The following ATXN7 variants were observed in gnomAD, a reference collection of about 807,000 sequenced individuals.
ATXN7 encodes ataxin-7.
ATXN7 carries 12 observed loss-of-function variants against 70.5 expected under a neutral mutation model. The observed-to-expected ratio is 0.17, with a 90% confidence interval of 0.11 to 0.28. ATXN7 has a LOEUF of 0.28. Ranked by LOEUF, ATXN7 falls within the 10% of genes least tolerant of loss-of-function variation. The pLI, the probability that ATXN7 is intolerant of heterozygous loss-of-function variation, is 1.00. For missense variants in ATXN7, 1,256 were observed against 1,131.7 expected, an observed-to-expected ratio of 1.11 and a Z score of -1.58; for synonymous variants, 498 against 448.7, an observed-to-expected ratio of 1.11 and a Z score of -1.39.
rs754267860 is a variant in ATXN7 at position 64,003,205 on chromosome 3, C to CTTTTTTTTTTTTTTT, written c.*3748_*3762dup. Reference sequence around the variant, plus strand: ...AATGTAGGGCCTTGAAAGCATTTTGCTTTTTTTTTTTTTTTTTTTTTTTTG... The same window carrying CTTTTTTTTTTTTTTT: ...AATGTAGGGCCTTGAAAGCATTTTGCTTTTTTTTTTTTTTTTTTTTTTTTTTTTTTTTTTTTTTTG... On this transcript the variant is annotated 3_prime_UTR_variant, in exon 13 of 13. Coordinates refer to ENST00000674280, the MANE Select transcript of ATXN7 (RefSeq NM_001377405.1). 2.6e-5 allele frequency: 2 copies of CTTTTTTTTTTTTTTT among 75,534 alleles called. No individual in the cohort carries two copies. Among genetic ancestry groups the CTTTTTTTTTTTTTTT allele is most frequent in the Non-Finnish European group, 4.9e-5 (2 of 40,438 alleles). The allele number at this position is 75,534 out of a possible 1,614,324, so 4.7% of individuals were successfully genotyped here. A position where few individuals can be genotyped will look rare whatever the true frequency, so the allele number is the denominator to read the frequency against.
At chr3:63,978,040 C>T (rs2075419572) in intron 5 of ATXN7, among the ~76,000 whole-genome samples, 1 of 152,160 alleles carries the variant, frequency 6.6e-6, no homozygotes, top group Non-Finnish European at 1.5e-5. Context: ...CAGTGCCATG[C>T]ACATGATAAC....
rs1196992143 is a variant in ATXN7 at position 63,988,351 on chromosome 3, C to T, written c.1361+27C>T. The T allele has an allele frequency of 3.7e-6, 6 of 1,613,016 alleles. No homozygotes were observed. In the East Asian group the frequency reaches 1.3e-4, roughly 36 times the overall value. ...TAAGCCAGGCCCTCCAACTCTTTCTCCCACCTTCAGAGATGAGACTTGCAG... is the reference window on the plus strand; with the variant it reads ...TAAGCCAGGCCCTCCAACTCTTTCTTCCACCTTCAGAGATGAGACTTGCAG... On this transcript the variant is annotated intron_variant, in intron 9 of 12. Coordinates refer to ENST00000674280, the MANE Select transcript of ATXN7 (RefSeq NM_001377405.1).
Position 63,955,638 on chromosome 3 carries a change from C to T in ATXN7, c.499+3155C>T, listed in dbSNP as rs528189564. Among the ~76,000 whole-genome samples the T allele has an allele frequency of 6.6e-5, 10 of 152,274 alleles. No homozygotes were observed. The East Asian group carries it at 7.7e-4, about 12-fold the overall frequency. On this transcript the variant is annotated intron_variant, in intron 5 of 12. Coordinates refer to ENST00000674280, the MANE Select transcript of ATXN7 (RefSeq NM_001377405.1). ...GAAATTTTTAGAAAGCCAGTTGTTG[C>T]ATTATTGTTTTCCACAGTTAACAAA...
intron 1 of ATXN7, among the ~76,000 whole-genome samples, chr3:63,887,021 C>T (rs1703107626): frequency 6.6e-6 from 1 of 152,166 alleles, no homozygotes; most frequent in South Asian, 2.1e-4. Context: ...CTCTCATCTT[C>T]CCACTCCCAT....
intron 5 of ATXN7, 102 bp from the exon 6 acceptor site, chr3:63,979,813 C>T (rs974486451): frequency 3.3e-6 from 5 of 1,501,740 alleles, no homozygotes; most frequent in South Asian, 2.5e-5. Context: ...CTTAACGACA[C>T]GTGTTTTAAC....
chr3:63,993,030 T>C (rs2075696828), intron 11 of ATXN7, among the ~76,000 whole-genome samples: 1 of 152,164 alleles, frequency 6.6e-6, no homozygotes, highest in Admixed American at 6.5e-5. Flanking sequence ...TACAGGGTTA[T>C]TGTGGTAAAA....
At chr3:63,980,462 T>G in intron 6 of ATXN7, 1 of 345,016 alleles carries the variant, frequency 2.9e-6, no homozygotes, top group South Asian at 4.6e-5. Context: ...CCCTATGGAA[T>G]AGGTACTGTT....
intron 4 of ATXN7, among the ~76,000 whole-genome samples, chr3:63,934,294 C>T (rs2074617426): frequency 6.6e-6 from 1 of 152,114 alleles, no homozygotes; most frequent in African/African-American, 2.4e-5. Flanking sequence ...CGCACAGTGT[C>T]CTGATGATTT....
chr3:63,918,938 C>T (rs1268757777), intron 4 of ATXN7, among the ~76,000 whole-genome samples: 4 of 152,088 alleles, frequency 2.6e-5, no homozygotes, highest in Admixed American at 1.3e-4. Flanking sequence ...TCAGCGTGGC[C>T]GTGACAGTGG....
chr3:63,962,087 C>G (rs1474124497), intron 5 of ATXN7, among the ~76,000 whole-genome samples: 1 of 152,148 alleles, frequency 6.6e-6, no homozygotes, highest in Middle Eastern at 3.4e-3. Flanking sequence ...TGTACTAGTC[C>G]AAGTCCATAA....
chr3:63,910,596 G>C (rs72880313), intron 2 of ATXN7, among the ~76,000 whole-genome samples: 2 of 152,066 alleles, frequency 1.3e-5, no homozygotes, highest in Non-Finnish European at 2.9e-5. Flanking sequence ...CTCTATTCCT[G>C]TCAAGGGAAT....
intron 4 of ATXN7, among the ~76,000 whole-genome samples, chr3:63,915,735 G>A (rs1394904619): frequency 1.3e-5 from 2 of 150,496 alleles, no homozygotes; most frequent in Non-Finnish European, 3.0e-5. Context: ...AGGCTGGAGT[G>A]CAGTGGCAAG....
chr3:63,869,485 A>G (rs888828588), intron 1 of ATXN7, among the ~76,000 whole-genome samples: 2 of 151,942 alleles, frequency 1.3e-5, no homozygotes, highest in Non-Finnish European at 2.9e-5. Context: ...GTGCAGTGGC[A>G]TGATCTTGGC....
Position 64,002,572 on chromosome 3 carries a change from T to C in ATXN7, c.*3105T>C, listed in dbSNP as rs1345927505. The C allele has an allele frequency of 2.0e-5, 3 of 152,188 alleles. No homozygotes were observed. Among genetic ancestry groups the C allele is most frequent in the Admixed American group, 6.5e-5 (1 of 15,274 alleles). 9.4% of individuals were successfully genotyped at this position (152,188 alleles called of 1,614,324 possible). ...ACTATGTGATGTGGTTTAAAACTAA[T>C]GGAAAAAACTGAAAGTGCCTGAAAC... On this transcript the variant is annotated 3_prime_UTR_variant, in exon 13 of 13. Transcript: ENST00000674280.
chr3:63,987,961 C>A, intron 8 of ATXN7, 98 bp from the exon 9 acceptor site: 1 of 1,435,976 alleles, frequency 7.0e-7, no homozygotes, highest in Non-Finnish European at 9.6e-7. Flanking sequence ...TGCTTATGGT[C>A]TAGATTGCTT....
At chr3:63,947,047 A>G (rs921254135) in intron 4 of ATXN7, among the ~76,000 whole-genome samples, 2 of 152,182 alleles carry the variant, frequency 1.3e-5, no homozygotes, top group African/African-American at 4.8e-5. Flanking sequence ...TTATGAGTCT[A>G]GCAGACCTGG....
chr3:63,940,285 T>TCTCA (rs1403266679), intron 4 of ATXN7, among the ~76,000 whole-genome samples: 10 of 141,442 alleles, frequency 7.1e-5, no homozygotes, highest in African/African-American at 1.9e-4. Context: ...CCATGCCCCA[T>TCTCA]CACACACACA....
At chr3:63,871,757 G>A (rs1702597664) in intron 1 of ATXN7, among the ~76,000 whole-genome samples, 1 of 151,952 alleles carries the variant, frequency 6.6e-6, no homozygotes, top group African/African-American at 2.4e-5. Context: ...GAAAATGCCA[G>A]GAGCAAGAAT....
chr3:63,863,864 C>T, upstream of ATXN7: 1 of 1,206,650 alleles, frequency 8.3e-7, no homozygotes, highest in Non-Finnish European at 1.0e-6. Context: ...AGGTCAAACT[C>T]CCACAATGCA....
Sources: gnomAD v4.1 joint callset for allele counts (sites outside exome capture counted in the v4.1 genomes callset) on GRCh38, gnomAD v4.1.1 for gene constraint, MANE v1.5 for transcripts, NCBI Gene and HGNC (gene_info 2026-07-23, HGNC 2026-07-21) for gene names.